FAM193A: variants seen among roughly 807,000 people sequenced by gnomAD.
FAM193A encodes protein FAM193A.
FAM193A carries 22 observed loss-of-function variants against 126.5 expected under a neutral mutation model. That is an observed-to-expected ratio of 0.17 (90% CI 0.12 to 0.25). The LOEUF is 0.25. FAM193A is among the 10% of genes least tolerant of loss of function. The probability of loss-of-function intolerance (pLI) is 1.00; values close to 1 mark genes in which losing one functional copy is unlikely to be tolerated. For missense variants in FAM193A, 1,675 were observed against 1,672.8 expected (o/e 1.00, Z -0.02); for synonymous variants, 761 against 646.8 (o/e 1.18, Z -2.68).
chr4:2,675,639 G>T (rs150251586), intron 13 of FAM193A, among the ~76,000 whole-genome samples: 1,527 of 152,232 alleles, frequency 0.01, 13 homozygotes, highest in Middle Eastern at 0.034. Flanking sequence ...ATTTATTATA[G>T]TAAAATATGC....
At chr4:2,589,815 C>T (rs759349461) in intron 1 of FAM193A, among the ~76,000 whole-genome samples, 7 of 152,144 alleles carry the variant, frequency 4.6e-5, no homozygotes, top group African/African-American at 9.7e-5. Context: ...ACAGTGTTCC[C>T]TGGACTTGAG....
intron 2 of FAM193A, among the ~76,000 whole-genome samples, chr4:2,622,160 G>T (rs1483009773): frequency 6.7e-6 from 1 of 150,278 alleles, no homozygotes; most frequent in Admixed American, 6.7e-5. Context: ...AGGAGGCTGA[G>T]GTGAGACGAT....
intron 15 of FAM193A, among the ~76,000 whole-genome samples, chr4:2,693,008 G>T (rs1716578533): frequency 6.6e-6 from 1 of 152,070 alleles, no homozygotes; most frequent in Admixed American, 6.6e-5. Context: ...TTCAGGACCA[G>T]CCTGGACAAC....
intron 9 of FAM193A, 28 bp from the exon 10 acceptor site, chr4:2,659,784 T>G: frequency 6.2e-7 from 1 of 1,614,102 alleles, no homozygotes; most frequent in Non-Finnish European, 8.5e-7. Flanking sequence ...ATTGGTTGGC[T>G]TGGTAACTGT....
chr4:2,670,855 T>G (rs554652230), intron 12 of FAM193A, among the ~76,000 whole-genome samples: 20 of 152,238 alleles, frequency 1.3e-4, no homozygotes, highest in Non-Finnish European at 2.5e-4. Flanking sequence ...TATCATTTTT[T>G]CCCTTGAGGG....
In FAM193A at chr4:2,699,945, A is replaced by G. The variant is rs115821661; in HGVS notation, c.3773A>G (p.Asn1258Ser). The change falls in exon 19 of 21, where the codon AAC (asparagine) becomes AGC (serine). Residue 1258 changes from asparagine (N) to serine (S), a missense_variant. Asn to Ser is a conservative substitution (Grantham distance 46). Coordinates refer to ENST00000637812, the MANE Select transcript of FAM193A (RefSeq NM_001366318.2). ...AATESVPNSGNIHNGSLEQTE... is the reference protein window; with the variant it reads ...AATESVPNSGSIHNGSLEQTE... ...ACAGAGTCTGTTCCTAACTCTGGAA[A>G]CATCCACAATGGCTCACTAGAGCAA... 3,396 of 1,613,986 alleles carry G rather than the reference A, an allele frequency of 2.1e-3. 68 individuals are homozygous for G. In the African/African-American group the frequency reaches 0.038, roughly 18 times the overall value.
intron 1 of FAM193A, among the ~76,000 whole-genome samples, chr4:2,550,195 A>G (rs1737825494): frequency 6.7e-6 from 1 of 148,418 alleles, no homozygotes. Flanking sequence ...CCAGGTGTGC[A>G]CCACCACTCC....
chr4:2,573,303 A>G (rs1026938132), intron 1 of FAM193A, among the ~76,000 whole-genome samples: 16 of 152,054 alleles, frequency 1.1e-4, no homozygotes, highest in African/African-American at 3.1e-4. Flanking sequence ...ACCTGAGGTC[A>G]GGAGTTCGAG....
chr4:2,712,397 T>C (rs1349414844), intron 19 of FAM193A, among the ~76,000 whole-genome samples: 4 of 152,350 alleles, frequency 2.6e-5, no homozygotes, highest in Middle Eastern at 3.4e-3. Flanking sequence ...ATTCCTGTTA[T>C]ATATTTTTAG....
intron 2 of FAM193A, among the ~76,000 whole-genome samples, chr4:2,607,243 C>G (rs1741600590): frequency 6.6e-6 from 1 of 151,906 alleles, no homozygotes; most frequent in Non-Finnish European, 1.5e-5. Context: ...TTAAGTGGAA[C>G]TGGCTTTTTT....
intron 2 of FAM193A, among the ~76,000 whole-genome samples, chr4:2,614,564 T>G (rs2108950703): frequency 1.3e-5 from 2 of 152,334 alleles, no homozygotes; most frequent in South Asian, 4.1e-4. Flanking sequence ...TATTAGTCTA[T>G]AAATTTCTTG....
intron 1 of FAM193A, among the ~76,000 whole-genome samples, chr4:2,552,536 T>C (rs904017025): frequency 2.0e-5 from 3 of 151,262 alleles, no homozygotes; most frequent in African/African-American, 4.8e-5. Flanking sequence ...TGTTGAACTT[T>C]CTTTTCTTTT....
chr4:2,560,902 C>T (rs559892381), intron 1 of FAM193A, among the ~76,000 whole-genome samples: 1 of 152,302 alleles, frequency 6.6e-6, no homozygotes, highest in East Asian at 1.9e-4. Flanking sequence ...CCTCACCTGC[C>T]TCAGCCTCCC....
chr4:2,618,172 T>C (rs1161002123), intron 2 of FAM193A, among the ~76,000 whole-genome samples: 2 of 152,198 alleles, frequency 1.3e-5, no homozygotes, highest in African/African-American at 2.4e-5. Context: ...ATTTGCACTT[T>C]GTCACTGGTT....
At chr4:2,629,379 A>G (rs1028561921) in intron 4 of FAM193A, among the ~76,000 whole-genome samples, 1 of 152,212 alleles carries the variant, frequency 6.6e-6, no homozygotes, top group African/African-American at 2.4e-5. Context: ...TTTTTATACT[A>G]GTAGTTGAAA....
At chr4:2,642,302 CAAAAA>C (rs1283868080) in intron 6 of FAM193A, among the ~76,000 whole-genome samples, 1 of 151,926 alleles carries the variant, frequency 6.6e-6, no homozygotes, top group Non-Finnish European at 1.5e-5. Context: ...GACTCCATCT[CAAAAA>C]AACACACAAA....
At chr4:2,646,617 C>T in intron 6 of FAM193A, 68 bp from the exon 7 acceptor site, 1 of 1,476,286 alleles carries the variant, frequency 6.8e-7, no homozygotes, top group Non-Finnish European at 9.1e-7. Context: ...CAGCAGGAAG[C>T]ACATTTCTGA....
Position 2,699,726 on chromosome 4 carries a change from A to G in FAM193A, c.3554A>G (p.His1185Arg). The part of the protein sequence containing the change: ...RLEAEARARE[H>R]LHLQEEQRRR... Reference sequence around the variant, plus strand: ...GAAGCAGAGGCCAGGGCCCGGGAGCACCTGCACCTCCAGGAGGAGCAGAGG... The same window carrying G: ...GAAGCAGAGGCCAGGGCCCGGGAGCGCCTGCACCTCCAGGAGGAGCAGAGG... Residue 1185 changes from histidine (H) to arginine (R), a missense_variant, in exon 19 of 21, where the codon CAC becomes CGC. Transcript: ENST00000637812. The G allele has an allele frequency of 1.9e-6, 3 of 1,613,740 alleles. No individual in the cohort carries two copies. Among genetic ancestry groups the G allele is most frequent in the Non-Finnish European group, 2.5e-6 (3 of 1,179,916 alleles).
chr4:2,682,087 C>G (rs1715210188), intron 13 of FAM193A, among the ~76,000 whole-genome samples: 1 of 150,612 alleles, frequency 6.6e-6, no homozygotes, highest in Non-Finnish European at 1.5e-5. Flanking sequence ...TGAGTTCACA[C>G]CATTCTCCTG....
Sources: allele counts gnomAD v4.1 joint callset (sites outside exome capture counted in the v4.1 genomes callset), GRCh38; gene constraint gnomAD v4.1.1; transcripts MANE v1.5; gene names NCBI Gene and HGNC (gene_info 2026-07-23, HGNC 2026-07-21).